DST: variants seen among roughly 807,000 people sequenced by gnomAD.
The protein encoded by DST is bullous pemphigoid antigen.
In DST, 253 loss-of-function variants were observed where a neutral mutation model predicts 875.2. The ratio of observed to expected loss-of-function variants is 0.29; its 90% CI spans 0.26 to 0.32. The LOEUF is 0.32. Ranked by LOEUF, DST falls within the 10% of genes least tolerant of loss-of-function variation. The probability of loss-of-function intolerance (pLI) is 1.00; values close to 1 mark genes in which losing one functional copy is unlikely to be tolerated. For synonymous variants in DST, 3,124 were observed against 3,197.1 expected (o/e 0.98, Z 0.77); for missense variants, 8,287 against 9,111.6 (o/e 0.91, Z 3.68).
intron 62 of DST, among the ~76,000 whole-genome samples, chr6:56,536,118 A>AT (rs2096993332): frequency 6.6e-6 from 1 of 152,100 alleles, no homozygotes; most frequent in Non-Finnish European, 1.5e-5. Flanking sequence ...TCCCATAATA[A>AT]TTTTCTGATA....
rs777289730 is a variant in DST at position 56,607,690 on chromosome 6, T to C, written c.6938A>G (p.Asn2313Ser). Residue 2313 changes from asparagine (N) to serine (S), a missense_variant, in exon 40 of 104, where the codon AAT (asparagine) becomes AGT (serine). This residue lies in a region of DST where 3,138 missense variants were observed against 3,116.6 expected (regional missense o/e 1.01). Coordinates refer to ENST00000680361, the MANE Select transcript of DST (RefSeq NM_001374736.1). ...EFNEMRNTVI[N>S]SEFSQSGKLA... ...TTTTCCTGACTGAGAAAATTCACTA[T>C]TGATAACAGTATTTCTCATTTCATT... The C allele has an allele frequency of 1.9e-6, 3 of 1,613,368 alleles. No homozygotes were observed. In the African/African-American group the frequency reaches 4.0e-5, roughly 22 times the overall value.
rs1280874775 is a variant in DST at position 56,473,804 on chromosome 6, A to G, written c.21994+69T>C. On this transcript the variant is annotated intron_variant, in intron 93 of 103. Coordinates refer to ENST00000680361, the MANE Select transcript of DST (RefSeq NM_001374736.1). ...ATCACCAATTGCCCCCAAATTTCAAATAATTCAAAATAAAAGAAAATTAGC... is the reference window on the plus strand; with the variant it reads ...ATCACCAATTGCCCCCAAATTTCAAGTAATTCAAAATAAAAGAAAATTAGC... The G allele has an allele frequency of 2.0e-6, 3 of 1,488,526 alleles. No homozygotes were observed. The African/African-American group carries it at 4.2e-5, about 21-fold the overall frequency. The allele number at this position is 1,488,526 out of a possible 1,614,324, so 92.2% of individuals were successfully genotyped here.
rs2097339897 is a variant in DST at position 56,552,406 on chromosome 6, G to C, written c.16386C>G (p.Ile5462Met). ...TEETSPDLVG[I>M]KRDLEALSKQ... ...TGCTTAAGGCCTCCAAGTCCCTTTT[G>C]ATTCCAACAAGGTCAGGAGAGGTTT... is the stretch of plus-strand genomic sequence containing the variant. The change falls in exon 61 of 104, where the codon ATC becomes ATG. Residue 5462 changes from isoleucine (I) to methionine (M), a missense_variant. Transcript: ENST00000680361. 6.2e-7 allele frequency: 1 copy of C among 1,613,856 alleles called. No homozygotes were observed. Among genetic ancestry groups the C allele is most frequent in the South Asian group, 1.1e-5 (1 of 91,072 alleles).
intron 78 of DST, among the ~76,000 whole-genome samples, chr6:56,503,517 T>C (rs2096205701): frequency 6.6e-6 from 1 of 151,666 alleles, no homozygotes; most frequent in East Asian, 1.9e-4. Context: ...AACAATATAC[T>C]ACTGAATAAA....
At chr6:56,852,132 A>C (rs569652635) in intron 3 of DST, 1 of 926,602 alleles carries the variant, frequency 1.1e-6, no homozygotes, top group South Asian at 5.0e-5. Flanking sequence ...GACCAGTTTT[A>C]AGCCCCTGTC....
intron 4 of DST, among the ~76,000 whole-genome samples, chr6:56,823,560 G>A (rs1591204275): frequency 1.3e-5 from 2 of 152,034 alleles, no homozygotes; most frequent in Admixed American, 6.5e-5. Context: ...ACAGGTGCAC[G>A]CCACCACACC....
chr6:56,541,969 T>A (rs1411118569), intron 61 of DST, among the ~76,000 whole-genome samples: 1 of 152,218 alleles, frequency 6.6e-6, no homozygotes, highest in Non-Finnish European at 1.5e-5. Flanking sequence ...CTTTTTAGTC[T>A]GATATTTCCA....
intron 4 of DST, among the ~76,000 whole-genome samples, chr6:56,760,833 T>A (rs982495297): frequency 1.3e-5 from 2 of 152,160 alleles, no homozygotes; most frequent in Non-Finnish European, 2.9e-5. Flanking sequence ...TATAATTAAA[T>A]CTCCCTTTTA....
intron 2 of DST, among the ~76,000 whole-genome samples, chr6:56,912,379 T>C (rs115356879): frequency 0.051 from 7,700 of 152,272 alleles, 335 homozygotes; most frequent in East Asian, 0.17. Flanking sequence ...TTCTCAAGCA[T>C]GCTAGCCATA....
At chr6:56,910,091 T>C (rs1798209273) in intron 2 of DST, among the ~76,000 whole-genome samples, 1 of 152,216 alleles carries the variant, frequency 6.6e-6, no homozygotes, top group Non-Finnish European at 1.5e-5. Context: ...TTGTTTGGTA[T>C]AGAACATTGG....
At chr6:56,944,597 T>A (rs909988232) in intron 2 of DST, among the ~76,000 whole-genome samples, 1 of 152,170 alleles carries the variant, frequency 6.6e-6, no homozygotes, top group African/African-American at 2.4e-5. Context: ...GTTTGAAGAA[T>A]TATAAGAAGT....
intron 4 of DST, among the ~76,000 whole-genome samples, chr6:56,757,208 A>T (rs2099606306): frequency 6.6e-6 from 1 of 152,206 alleles, no homozygotes; most frequent in African/African-American, 2.4e-5. Context: ...TATTTTTTTC[A>T]GGAAAGGCTT....
chr6:56,842,889 C>A (rs1246013291), intron 4 of DST, among the ~76,000 whole-genome samples: 9 of 152,268 alleles, frequency 5.9e-5, no homozygotes, highest in Non-Finnish European at 1.0e-4. Context: ...ATCCTCCCTG[C>A]GCTGGGGGTA....
chr6:56,868,924 G>T (rs546692345), intron 3 of DST, among the ~76,000 whole-genome samples: 1 of 152,140 alleles, frequency 6.6e-6, no homozygotes, highest in South Asian at 2.1e-4. Flanking sequence ...GGGAAATGAA[G>T]GTCCTTTGTC....
chr6:56,561,821 A>C (rs1181169239), intron 56 of DST, among the ~76,000 whole-genome samples: 2 of 152,186 alleles, frequency 1.3e-5, no homozygotes, highest in Admixed American at 1.3e-4. Context: ...GTTACTTAGC[A>C]ATATCTCAAG....
At position 56,593,762 on chromosome 6, in the gene DST, G is replaced by T. The variant is rs1259234822; in HGVS notation, c.12627C>A (p.Ser4209Arg). 1 of 1,613,846 alleles carries T rather than the reference G, an allele frequency of 6.2e-7. No homozygotes were observed. The highest frequency in any genetic ancestry group is 1.1e-5 in the South Asian group (1 of 91,070). ...TATCAACCTTGCCACCGTCTCTCTTGCTGCAAGATTTGGCAGCTTCCAACA... is the reference window on the plus strand; with the variant it reads ...TATCAACCTTGCCACCGTCTCTCTTTCTGCAAGATTTGGCAGCTTCCAACA... ...NRVLEAAKSC[S>R]KRDGGKVDTS... The change falls in exon 48 of 104, where the codon AGC becomes AGA. Residue 4209 changes from serine (S) to arginine (R), a missense_variant. By Grantham distance (110) the Ser-to-Arg change is moderately radical. Transcript: ENST00000680361.
In DST at chr6:56,954,810, A is replaced by AGT. The variant is rs1824365492; in HGVS notation, c.-224_-223insAC. ...GGGAGCGCTTGCCATGACTCAGCAG[A>AGT]CAGCGACGAGGCTGCGACTCGGCGG... On this transcript the variant is annotated 5_prime_UTR_variant, in exon 1 of 104. Transcript: ENST00000680361. 6.7e-6 allele frequency among the ~76,000 whole-genome samples: 1 copy of AGT among 149,726 alleles called. No individual in the cohort carries two copies. Among genetic ancestry groups the AGT allele is most frequent in the Non-Finnish European group, 1.5e-5 (1 of 66,988 alleles).
At chr6:56,615,792 G>A (rs1225674282) in intron 36 of DST, 2 of 1,614,108 alleles carry the variant, frequency 1.2e-6, no homozygotes, top group Non-Finnish European at 8.5e-7. Flanking sequence ...GTCAAGTACT[G>A]AAATTCCAAA....
chr6:56,635,885 A>G (rs2152767897), intron 23 of DST, among the ~76,000 whole-genome samples, 171 bp from the exon 24 acceptor site: 1 of 152,300 alleles, frequency 6.6e-6, no homozygotes, highest in African/African-American at 2.4e-5. Context: ...ATAACCCTTG[A>G]AGTTGAATAG....
Sources: gnomAD v4.1 joint callset for allele counts (sites outside exome capture counted in the v4.1 genomes callset) on GRCh38, gnomAD v4.1.1 for gene constraint, gnomAD v4.1.1 regional missense constraint, MANE v1.5 for transcripts, NCBI Gene and HGNC (gene_info 2026-07-23, HGNC 2026-07-21) for gene names.